PTPRT: variants seen among roughly 807,000 people sequenced by gnomAD.
PTPRT encodes the protein protein tyrosine phosphatase receptor type T.
In PTPRT, 56 loss-of-function variants were observed where a neutral mutation model predicts 176.8. The ratio of observed to expected loss-of-function variants is 0.32; its 90% CI spans 0.26 to 0.40. The LOEUF is 0.40. Among genes scored for constraint, PTPRT ranks in the 10% least tolerant of loss-of-function variants. The pLI, the probability that PTPRT is intolerant of heterozygous loss-of-function variation, is 1.00. For synonymous variants in PTPRT, 783 were observed against 739.0 expected (o/e 1.06, Z -0.96); for missense variants, 1,540 against 1,908.2 (o/e 0.81, Z 3.60).
chr20:42,740,706 G>A (rs1267874142), intron 6 of PTPRT, among the ~76,000 whole-genome samples: 1 of 152,160 alleles, frequency 6.6e-6, no homozygotes, highest in Admixed American at 6.5e-5. Context: ...AAGTGGGGCT[G>A]GCAGAAATGA....
chr20:42,992,406 A>T (rs1388536238), intron 1 of PTPRT, among the ~76,000 whole-genome samples: 1 of 152,234 alleles, frequency 6.6e-6, no homozygotes, highest in Non-Finnish European at 1.5e-5. Context: ...GAAAAGGAGG[A>T]AACTCAGTCT....
intron 7 of PTPRT, among the ~76,000 whole-genome samples, chr20:42,649,086 T>C (rs574508507): frequency 1.3e-4 from 20 of 152,128 alleles, no homozygotes; most frequent in Non-Finnish European, 2.6e-4. Context: ...CCCAAAGTGC[T>C]AGGATTACAG....
Position 42,883,897 on chromosome 20 carries a change from TAC to T in PTPRT, c.214+1908_214+1909del, listed in dbSNP as rs757354228. 6.7e-3 allele frequency among the ~76,000 whole-genome samples: 762 copies of T among 114,104 alleles called. 9 individuals are homozygous for T. The highest frequency in any genetic ancestry group is 0.022 in the African/African-American group (623 of 28,776). 74.9% of individuals were successfully genotyped at this position (114,104 alleles called of 152,430 possible). Reference sequence around the variant, plus strand: ...ACACACATACACCAATACACCCCCATACACACACACACACACACATACCAGTA... The same window carrying T: ...ACACACATACACCAATACACCCCCATACACACACACACACACATACCAGTA... On this transcript the variant is annotated intron_variant, in intron 2 of 30. Transcript: ENST00000373187.
At position 42,979,982 on chromosome 20, in the gene PTPRT, AG is replaced by A. The variant is rs1180055689; in HGVS notation, c.89-94051del. ...GAGCATGCAAGTATGCCGGCCGGGAAGGGGGGGTGGGGGGGGGTCTTCCTGA... is the reference window on the plus strand; with the variant it reads ...GAGCATGCAAGTATGCCGGCCGGGAAGGGGGGTGGGGGGGGGTCTTCCTGA... On this transcript the variant is annotated intron_variant, in intron 1 of 30. Coordinates refer to ENST00000373187, the MANE Select transcript of PTPRT (RefSeq NM_007050.6). Among the ~76,000 whole-genome samples, 7 of 9,474 alleles carry A rather than the reference AG, an allele frequency of 7.4e-4. No homozygotes were observed. The East Asian group carries it at 0.014, about 18-fold the overall frequency. The allele number at this position is 9,474 out of a possible 152,430, so 6.2% of individuals were successfully genotyped here.
intron 1 of PTPRT, among the ~76,000 whole-genome samples, chr20:43,171,702 C>T (rs2015004809): frequency 6.6e-6 from 1 of 152,144 alleles, no homozygotes; most frequent in Non-Finnish European, 1.5e-5. Flanking sequence ...CTGGGTCCCA[C>T]GCCAGAGTTT....
At chr20:42,570,267 C>T in intron 7 of PTPRT, among the ~76,000 whole-genome samples, 1 of 152,158 alleles carries the variant, frequency 6.6e-6, no homozygotes, top group East Asian at 1.9e-4. Context: ...CCCGCCGTGT[C>T]CCTGCTGAGT....
At chr20:43,006,791 C>A (rs995379223) in intron 1 of PTPRT, among the ~76,000 whole-genome samples, 1 of 152,308 alleles carries the variant, frequency 6.6e-6, no homozygotes, top group East Asian at 1.9e-4. Context: ...CAGAGGCCCC[C>A]AGAAAGACAT....
intron 7 of PTPRT, among the ~76,000 whole-genome samples, chr20:42,504,692 G>A (rs1436022891): frequency 6.6e-6 from 1 of 152,040 alleles, no homozygotes; most frequent in Non-Finnish European, 1.5e-5. Context: ...CTAATCAAAT[G>A]TAACATTTTC....
the PTPRT span, among the ~76,000 whole-genome samples, chr20:42,036,639 T>C: frequency 2.6e-5 from 4 of 152,194 alleles, no homozygotes; most frequent in African/African-American, 9.6e-5. Flanking sequence ...AGTCCAGCAT[T>C]AGAGGATGAA....
chr20:42,062,962 C>T, the PTPRT span, among the ~76,000 whole-genome samples: 1 of 152,202 alleles, frequency 6.6e-6, no homozygotes, highest in African/African-American at 2.4e-5. Context: ...GGAGGATGCT[C>T]CTCAGAGACA....
the PTPRT span, among the ~76,000 whole-genome samples, chr20:42,058,175 C>A: frequency 6.6e-6 from 1 of 152,296 alleles, no homozygotes; most frequent in African/African-American, 2.4e-5. Context: ...GCACTATTCC[C>A]AGCTCTGAGA....
intron 7 of PTPRT, among the ~76,000 whole-genome samples, chr20:42,603,134 A>G (rs959543268): frequency 6.6e-6 from 1 of 152,180 alleles, no homozygotes; most frequent in Admixed American, 6.5e-5. Flanking sequence ...TCTAGTGATG[A>G]GTGACAGAAG....
At chr20:42,276,559 A>ATATATATATATAT (rs2057042770) in intron 13 of PTPRT, among the ~76,000 whole-genome samples, 2 of 87,388 alleles carry the variant, frequency 2.3e-5, no homozygotes, top group African/African-American at 4.0e-5. Context: ...ATATATATAT[A>ATATATATATATAT]ATGTTCTTGA....
At chr20:42,184,589 T>TTCTTCTTCTTCTTCTTCTTCC (rs1568652449) in intron 16 of PTPRT, among the ~76,000 whole-genome samples, 4 of 143,444 alleles carry the variant, frequency 2.8e-5, no homozygotes, top group Non-Finnish European at 4.5e-5. Flanking sequence ...CTTCTTCTTC[T>TTCTTCTTCTTCTTCTTCTTCC]TCTTCCTCTT....
intron 12 of PTPRT, among the ~76,000 whole-genome samples, chr20:42,294,627 C>G (rs2057362619): frequency 6.6e-6 from 1 of 151,714 alleles, no homozygotes. Context: ...AATAAAGCTA[C>G]TAGATGAAGA....
rs2015487289 is a variant in PTPRT, at chr20:43,189,591, C to T, written c.88+55G>A. On this transcript the variant is annotated intron_variant, in intron 1 of 30. Transcript: ENST00000373187. This position sits in a 1 kb window ranked among gnomAD's most constrained non-coding sequence, Gnocchi z 5.0. Reference sequence around the variant, plus strand: ...TCCGAGGGCCCCGCGGCTGGGGGCCCGCGCGCATCCAGGAGGGAGCGGGGA... The same window carrying T: ...TCCGAGGGCCCCGCGGCTGGGGGCCTGCGCGCATCCAGGAGGGAGCGGGGA... 2 of 1,146,606 alleles carry T rather than the reference C, an allele frequency of 1.7e-6. No individual in the cohort carries two copies. The highest frequency in any genetic ancestry group is 1.6e-5 in the African/African-American group (1 of 62,132). 71.0% of individuals were successfully genotyped at this position (1,146,606 alleles called of 1,614,324 possible). A position where few individuals can be genotyped will look rare whatever the true frequency, so the allele number is the denominator to read the frequency against.
chr20:42,930,802 T>C (rs538088051), intron 1 of PTPRT, among the ~76,000 whole-genome samples: 49 of 152,304 alleles, frequency 3.2e-4, no homozygotes, highest in African/African-American at 1.2e-3. Context: ...TTCTTGCGAC[T>C]TTCCCTCTCT....
intron 7 of PTPRT, among the ~76,000 whole-genome samples, chr20:42,540,893 T>C (rs1300090337): frequency 1.3e-5 from 2 of 152,126 alleles, no homozygotes; most frequent in Admixed American, 6.5e-5. Flanking sequence ...GATGCCTGTA[T>C]GAGTGATGGG....
At position 42,363,712 on chromosome 20, in the gene PTPRT, A is replaced by G. The variant is rs1293810339; in HGVS notation, c.1561-11427T>C. On this transcript the variant is annotated intron_variant, in intron 9 of 30. Coordinates refer to ENST00000373187, the MANE Select transcript of PTPRT (RefSeq NM_007050.6). ...CACACATTACTCGTTTAATCATCCC[A>G]CAAGTTTATGAGGCTACTACCGTTA... Among the ~76,000 whole-genome samples the G allele has an allele frequency of 7.2e-5, 11 of 152,184 alleles. No homozygotes were observed. The East Asian group carries it at 2.1e-3, about 29-fold the overall frequency.
Sources: gnomAD v4.1 joint callset for allele counts (sites outside exome capture counted in the v4.1 genomes callset) on GRCh38, gnomAD v4.1.1 for gene constraint, Gnocchi (gnomAD v3.1) non-coding constraint, MANE v1.5 for transcripts, NCBI Gene and HGNC (gene_info 2026-07-23, HGNC 2026-07-21) for gene names.